The following ZNF385D variants were observed in gnomAD, a reference collection of about 807,000 sequenced individuals.
ZNF385D encodes zinc finger protein 385D.
A neutral mutation model predicts 35.8 loss-of-function variants in ZNF385D; 15 were observed. The ratio of observed to expected loss-of-function variants is 0.42; its 90% CI spans 0.28 to 0.64. ZNF385D has a LOEUF of 0.64. ZNF385D is among the 30% of genes least tolerant of loss of function. The probability of loss-of-function intolerance (pLI) is 0.23; values close to 1 mark genes in which losing one functional copy is unlikely to be tolerated. For missense variants in ZNF385D, 474 were observed against 494.6 expected (o/e 0.96, Z 0.39); for synonymous variants, 212 against 186.8 (o/e 1.13, Z -1.10).
intron 2 of ZNF385D, among the ~76,000 whole-genome samples, chr3:22,288,849 C>T (rs981080660): frequency 1.3e-5 from 2 of 152,072 alleles, no homozygotes; most frequent in African/African-American, 4.8e-5. Context: ...TTAGACTGGC[C>T]TCTTGTAAAA....
intron 2 of ZNF385D, among the ~76,000 whole-genome samples, chr3:22,340,386 C>T (rs1575153767): frequency 6.6e-6 from 1 of 152,274 alleles, no homozygotes; most frequent in East Asian, 1.9e-4. Flanking sequence ...TGGCTCACAC[C>T]TGTAATCTCA....
chr3:21,719,892 A>G (rs1174822727), intron 1 of ZNF385D, among the ~76,000 whole-genome samples: 1 of 152,240 alleles, frequency 6.6e-6, no homozygotes, highest in East Asian at 1.9e-4. Context: ...TACATCAGCC[A>G]TCAACACAAT....
At chr3:22,294,227 C>A (rs1702452411) in intron 2 of ZNF385D, among the ~76,000 whole-genome samples, 1 of 151,906 alleles carries the variant, frequency 6.6e-6, no homozygotes, top group Non-Finnish European at 1.5e-5. Flanking sequence ...GGCAGTAAAC[C>A]CTATAAAATG....
At chr3:22,112,297 AAAT>A (rs1248857838) in intron 3 of ZNF385D, among the ~76,000 whole-genome samples, 2 of 152,166 alleles carry the variant, frequency 1.3e-5, no homozygotes, top group Non-Finnish European at 2.9e-5. Flanking sequence ...TGAAAAATTA[AAAT>A]AATGAATAAC....
chr3:22,013,045 G>A (rs1696671990), intron 3 of ZNF385D, among the ~76,000 whole-genome samples: 1 of 152,004 alleles, frequency 6.6e-6, no homozygotes, highest in Admixed American at 6.6e-5. Context: ...AAAAATTTAA[G>A]AAATGTATGG....
intron 2 of ZNF385D, among the ~76,000 whole-genome samples, chr3:22,199,135 A>T (rs1397522779): frequency 2.0e-5 from 3 of 151,874 alleles, no homozygotes; most frequent in Non-Finnish European, 2.9e-5. Context: ...AACCAAACAC[A>T]CAAAAAACAT....
At chr3:22,155,222 G>C (rs1705509747) in intron 3 of ZNF385D, among the ~76,000 whole-genome samples, 1 of 152,060 alleles carries the variant, frequency 6.6e-6, no homozygotes, top group Admixed American at 6.6e-5. Context: ...ATCTATGTGA[G>C]AGAAGTACAG....
chr3:21,869,101 G>T (rs537988201), intron 3 of ZNF385D, among the ~76,000 whole-genome samples: 20 of 152,120 alleles, frequency 1.3e-4, no homozygotes, highest in Non-Finnish European at 2.1e-4. Flanking sequence ...GTTGTATGCT[G>T]CATAACAATG....
chr3:22,223,604 A>G (rs1222640122), intron 2 of ZNF385D, among the ~76,000 whole-genome samples: 1 of 152,186 alleles, frequency 6.6e-6, no homozygotes, highest in Non-Finnish European at 1.5e-5. Context: ...ATTTAACAAT[A>G]ATAAATAGTG....
At position 22,279,361 on chromosome 3, in the gene ZNF385D, T is replaced by C. The variant is rs150902313; in HGVS notation, c.106+93089A>G. On this transcript the variant is annotated intron_variant, in intron 2 of 5. Coordinates refer to the ZNF385D transcript ENST00000494108. The stretch of plus-strand genomic sequence containing the variant: ...CTTATGAGTAAGAACATGTGATATT[T>C]GGTCTTCCACTCCTGAATTACTTCA... Among the ~76,000 whole-genome samples, 100 of 151,980 alleles carry C rather than the reference T, an allele frequency of 6.6e-4. 1 individual carries two copies. Among genetic ancestry groups the C allele is most frequent in the African/African-American group, 2.3e-3 (95 of 41,484 alleles).
intron 2 of ZNF385D, among the ~76,000 whole-genome samples, chr3:21,664,010 A>ATCCTT (rs2066323520): frequency 6.7e-6 from 1 of 148,358 alleles, no homozygotes; most frequent in African/African-American, 2.5e-5. Context: ...TCTCATGTTA[A>ATCCTT]TCCTTTCTGC....
At chr3:22,104,668 G>A (rs1435004913) in intron 3 of ZNF385D, among the ~76,000 whole-genome samples, 1 of 150,880 alleles carries the variant, frequency 6.6e-6, no homozygotes, top group Non-Finnish European at 1.5e-5. Context: ...GTCAGAAGTT[G>A]TGACTCTTTC....
chr3:22,066,538 G>T (rs769404440), intron 3 of ZNF385D, among the ~76,000 whole-genome samples: 3 of 14,784 alleles, frequency 2.0e-4, no homozygotes, highest in Non-Finnish European at 3.4e-4. Flanking sequence ...TTCCCTGTGT[G>T]TGTGTGTGTG....
In ZNF385D at chr3:21,490,469, T is replaced by A. The variant is rs574695880; in HGVS notation, c.439+20392A>T. ...GTCACTCTATCATCATCAGATGGAA[T>A]CTATCCCCTACCCCTTTATGCCTGT... On this transcript the variant is annotated intron_variant, in intron 4 of 7. Transcript: ENST00000281523. Among the ~76,000 whole-genome samples, 5 of 152,334 alleles carry A rather than the reference T, an allele frequency of 3.3e-5. No individual in the cohort carries two copies. The East Asian group carries it at 9.6e-4, about 29-fold the overall frequency.
chr3:21,459,577 T>C (rs1703038949), intron 4 of ZNF385D: 1 of 152,114 alleles, frequency 6.6e-6, no homozygotes, highest in Non-Finnish European at 1.5e-5. Context: ...TATTGTGAAA[T>C]CAGCACAAGA....
intron 2 of ZNF385D, among the ~76,000 whole-genome samples, chr3:21,664,118 A>G (rs1267943454): frequency 1.3e-5 from 2 of 151,162 alleles, no homozygotes; most frequent in African/African-American, 4.9e-5. Flanking sequence ...TATTAAAAAA[A>G]AAAAAAGTCA....
intron 3 of ZNF385D, among the ~76,000 whole-genome samples, chr3:21,531,350 T>C (rs2061917936): frequency 1.3e-5 from 2 of 152,180 alleles, no homozygotes; most frequent in Admixed American, 1.3e-4. Flanking sequence ...AGTTTGTCAA[T>C]TTCTTACAAA....
At chr3:21,448,240 G>A (rs971452562) in intron 4 of ZNF385D, among the ~76,000 whole-genome samples, 4 of 152,056 alleles carry the variant, frequency 2.6e-5, no homozygotes, top group African/African-American at 9.7e-5. Flanking sequence ...TTGACAAAGA[G>A]GATGGAAGTA....
chr3:22,157,243 G>C (rs988746119), intron 3 of ZNF385D, among the ~76,000 whole-genome samples: 2 of 152,010 alleles, frequency 1.3e-5, no homozygotes. Context: ...GTATACTAAT[G>C]ACTGTATCTA....
Sources: gnomAD v4.1 joint callset for allele counts (sites outside exome capture counted in the v4.1 genomes callset) on GRCh38, gnomAD v4.1.1 for gene constraint, MANE v1.5 for transcripts, NCBI Gene and HGNC (gene_info 2026-07-23, HGNC 2026-07-21) for gene names.